Variants in CPEB3 observed in about 807,000 individuals in gnomAD.
CPEB3 encodes cytoplasmic polyadenylation element-binding protein 3.
CPEB3 carries 20 observed loss-of-function variants against 67.2 expected under a neutral mutation model. The ratio of observed to expected loss-of-function variants is 0.30; its 90% CI spans 0.21 to 0.43. The LOEUF (loss-of-function observed/expected upper bound fraction) is 0.43. Among genes scored for constraint, CPEB3 ranks in the 20% least tolerant of loss-of-function variants. CPEB3 has a pLI of 1.00. For missense variants in CPEB3, 746 were observed against 968.6 expected (o/e 0.77, Z 3.05); for synonymous variants, 376 against 393.1 (o/e 0.96, Z 0.51).
chr10:92,173,986 TCAGA>T (rs1206345320), intron 4 of CPEB3, among the ~76,000 whole-genome samples: 2 of 152,244 alleles, frequency 1.3e-5, no homozygotes, highest in African/African-American at 2.4e-5. Flanking sequence ...TTAAAAATTC[TCAGA>T]CAAAATGTCT....
intron 3 of CPEB3, among the ~76,000 whole-genome samples, chr10:92,188,057 C>T (rs924621603): frequency 3.3e-5 from 5 of 151,760 alleles, no homozygotes; most frequent in African/African-American, 1.2e-4. Context: ...ATCAGCCAGG[C>T]ATGGTGCCTG....
chr10:92,172,638 C>T (rs138304192), intron 4 of CPEB3, among the ~76,000 whole-genome samples: 1 of 152,180 alleles, frequency 6.6e-6, no homozygotes, highest in African/African-American at 2.4e-5. Flanking sequence ...TGCTGACATG[C>T]AATTTACCCA....
chr10:92,151,057 A>C (rs755013782), intron 4 of CPEB3, among the ~76,000 whole-genome samples: 86 of 152,232 alleles, frequency 5.6e-4, no homozygotes, highest in Non-Finnish European at 1.1e-3. Flanking sequence ...GAGATGGCTT[A>C]AAACCAAACA....
intron 7 of CPEB3, among the ~76,000 whole-genome samples, chr10:92,098,578 T>C (rs2133366553): frequency 6.6e-6 from 1 of 152,230 alleles, no homozygotes; most frequent in East Asian, 1.9e-4. Flanking sequence ...GAAACTTCAC[T>C]CCATCCCAGG....
Position 92,049,833 on chromosome 10 carries a change from A to T in CPEB3, c.*2379T>A, listed in dbSNP as rs1172606363. ...AATTAGGTAGATTTCTGTAGGTTAG[A>T]TATGATCTTTAATATTATAGTTATA... is the stretch of plus-strand genomic sequence containing the variant. On this transcript the variant is annotated 3_prime_UTR_variant, in exon 10 of 10. Transcript: ENST00000265997. The T allele has an allele frequency of 2.6e-5, 4 of 152,598 alleles. No individual in the cohort carries two copies. The highest frequency in any genetic ancestry group is 5.9e-5 in the Non-Finnish European group (4 of 68,032). The allele number at this position is 152,598 out of a possible 1,614,324, so 9.5% of individuals were successfully genotyped here.
intron 3 of CPEB3, among the ~76,000 whole-genome samples, chr10:92,188,721 G>GA (rs1475686491): frequency 1.3e-5 from 2 of 151,506 alleles, no homozygotes; most frequent in East Asian, 1.9e-4. Flanking sequence ...CTCCGTCTCA[G>GA]AAAAAAAATA....
At chr10:92,091,994 A>G in intron 7 of CPEB3, 50 bp from the exon 8 acceptor site, 2 of 1,095,994 alleles carry the variant, frequency 1.8e-6, no homozygotes, top group Non-Finnish European at 1.4e-6. Context: ...ATCAACCCCA[A>G]ATGAGAATAA....
At chr10:92,207,573 A>G (rs983895138) in intron 2 of CPEB3, among the ~76,000 whole-genome samples, 1 of 152,002 alleles carries the variant, frequency 6.6e-6, no homozygotes, top group Non-Finnish European at 1.5e-5. Context: ...ATGTTAATCT[A>G]TGTTTAATCA....
rs369944745 is a variant in CPEB3, at chr10:92,111,115, G to C, written c.1533C>G (p.Leu511=). 1.2e-6 allele frequency: 2 copies of C among 1,614,008 alleles called. No individual in the cohort carries two copies. Among genetic ancestry groups the C allele is most frequent in the African/African-American group, 2.7e-5 (2 of 74,930 alleles). Residue 511 remains leucine (L), a synonymous_variant, in exon 7 of 10, where the codon CTC becomes CTG. Coordinates refer to ENST00000265997, the MANE Select transcript of CPEB3 (RefSeq NM_014912.5). ...IDACLEEDGK[L]YLCVSSPTIK... ...TGGTGGGGCTTGACACACACAGGTA[G>C]AGTTTCCCATCTTCTTCTAGGCAGG...
At position 92,052,356 on chromosome 10, in the gene CPEB3, G is replaced by A; in HGVS notation, c.1953C>T (p.Phe651=). Residue 651 remains phenylalanine (F), a synonymous_variant, in exon 10 of 10, where the codon TTC becomes TTT. Coordinates refer to ENST00000265997, the MANE Select transcript of CPEB3 (RefSeq NM_014912.5). ...GCAGACAGGTGACGTTGGCACAGAA[G>A]AACGGGGCAAACTTCCCACCACAGC... ...GTRCGGKFAP[F]FCANVTCLQY... The A allele has an allele frequency of 1.9e-6, 3 of 1,614,210 alleles. No individual in the cohort carries two copies. In the South Asian group the frequency reaches 3.3e-5, roughly 18 times the overall value.
intron 2 of CPEB3, among the ~76,000 whole-genome samples, chr10:92,208,811 T>A (rs1849922825): frequency 6.6e-6 from 1 of 152,068 alleles, no homozygotes; most frequent in African/African-American, 2.4e-5. Context: ...GCCAGGCTGG[T>A]CTCGAACTCC....
intron 1 of CPEB3, among the ~76,000 whole-genome samples, chr10:92,245,133 CTTTTTTTTTT>C (rs989695063): frequency 1.0e-5 from 1 of 98,068 alleles, no homozygotes; most frequent in East Asian, 2.7e-4. Flanking sequence ...AGAAAAGAGT[CTTTTTTTTTT>C]TTTTTTTTTT....
chr10:92,207,875 AAAC>A (rs1175443166), intron 2 of CPEB3, among the ~76,000 whole-genome samples: 2 of 152,242 alleles, frequency 1.3e-5, no homozygotes, highest in African/African-American at 2.4e-5. Context: ...GTCTCAAAAC[AAAC>A]AACAACAAAA....
chr10:92,089,615 T>C (rs1843530566), intron 8 of CPEB3, among the ~76,000 whole-genome samples: 1 of 151,992 alleles, frequency 6.6e-6, no homozygotes, highest in Non-Finnish European at 1.5e-5. Context: ...TGAAACACTG[T>C]CTCTACCAAA....
intron 1 of CPEB3, among the ~76,000 whole-genome samples, chr10:92,269,178 A>G (rs1853193093): frequency 6.6e-6 from 1 of 152,138 alleles, no homozygotes. Flanking sequence ...AGGAAAAAAA[A>G]AAAGGCTTCA....
intron 1 of CPEB3, among the ~76,000 whole-genome samples, chr10:92,277,582 A>C (rs1842047201): frequency 6.6e-6 from 1 of 152,092 alleles, no homozygotes; most frequent in Non-Finnish European, 1.5e-5. Context: ...GAGTCTTCAA[A>C]TTTTGTTCTT....
chr10:92,216,747 A>T, intron 2 of CPEB3: 1 of 1,609,782 alleles, frequency 6.2e-7, no homozygotes, highest in East Asian at 2.2e-5. Flanking sequence ...CAGGAGGCTT[A>T]CGACGAGTGC....
chr10:92,220,682 C>G (rs914805242), intron 2 of CPEB3, among the ~76,000 whole-genome samples: 5 of 151,976 alleles, frequency 3.3e-5, no homozygotes, highest in African/African-American at 9.6e-5. Context: ...GAGTTTAGAG[C>G]TGGCAAAAGT....
chr10:92,191,978 T>C (rs1849004179), intron 3 of CPEB3, among the ~76,000 whole-genome samples: 1 of 152,202 alleles, frequency 6.6e-6, no homozygotes, highest in Non-Finnish European at 1.5e-5. Flanking sequence ...CCTCAGAGAC[T>C]GCAAAGGGTC....
Sources: allele counts gnomAD v4.1 joint callset (sites outside exome capture counted in the v4.1 genomes callset), GRCh38; gene constraint gnomAD v4.1.1; transcripts MANE v1.5; gene names NCBI Gene and HGNC (gene_info 2026-07-23, HGNC 2026-07-21).